Variants in SPPL2B observed in about 807,000 individuals in gnomAD.
SPPL2B encodes signal peptide peptidase-like 2B.
Under a neutral mutation model 59.7 loss-of-function variants are expected in SPPL2B, and 39 were observed. The ratio of observed to expected loss-of-function variants is 0.65; its 90% CI spans 0.51 to 0.85. The LOEUF (loss-of-function observed/expected upper bound fraction) is 0.85. Among genes scored for constraint, SPPL2B ranks in the 40% least tolerant of loss-of-function variants. The pLI is 0.00. For missense variants in SPPL2B, 865 were observed against 849.0 expected (o/e 1.02, Z -0.23); for synonymous variants, 419 against 370.8 (o/e 1.13, Z -1.49).
At chr19:2,348,089 T>C (rs369853991) in intron 13 of SPPL2B, among the ~76,000 whole-genome samples, 23 of 21,870 alleles carry the variant, frequency 1.1e-3, no homozygotes, top group Middle Eastern at 0.031. Flanking sequence ...CACACACTCA[T>C]GCGCTGTCAT....
chr19:2,333,667 C>T (rs1320344905), intron 1 of SPPL2B, among the ~76,000 whole-genome samples: 6 of 152,354 alleles, frequency 3.9e-5, no homozygotes, highest in East Asian at 1.9e-4. Flanking sequence ...GTCCTGGGCG[C>T]GGTGGCCACC....
rs996171027 is a variant in SPPL2B at position 2,354,173 on chromosome 19, T to C, written c.*964T>C. The C allele has an allele frequency of 2.0e-5, 3 of 152,210 alleles. No homozygotes were observed. The highest frequency in any genetic ancestry group is 4.4e-5 in the Non-Finnish European group (3 of 68,066). 9.4% of individuals were successfully genotyped at this position (152,210 alleles called of 1,614,324 possible). ...TCGGTTCTCCCTGTGGCAGCGGCAT[T>C]GGTGCCTGGGTTCTTAACCCTCTGG... On this transcript the variant is annotated 3_prime_UTR_variant, in exon 15 of 15. Transcript: ENST00000613503.
chr19:2,340,437 A>T, intron 7 of SPPL2B: 2 of 631,810 alleles, frequency 3.2e-6, no homozygotes, highest in Non-Finnish European at 5.7e-6. Flanking sequence ...CGCAGGCCGA[A>T]CCCTGGGTTC....
intron 1 of SPPL2B, 105 bp downstream of exon 1, chr19:2,328,880 C>A: frequency 1.9e-6 from 2 of 1,045,050 alleles, no homozygotes; most frequent in Non-Finnish European, 2.5e-6. Flanking sequence ...TCTTGGGGGT[C>A]CAGCCTCGGG....
intron 1 of SPPL2B, among the ~76,000 whole-genome samples, 153 bp from the exon 2 acceptor site, chr19:2,334,449 T>C (rs1387170823): frequency 6.6e-6 from 1 of 152,216 alleles, no homozygotes; most frequent in Admixed American, 6.5e-5. Context: ...CGTCCCTGTC[T>C]GTCCTGTCGA....
At chr19:2,338,532 T>C (rs1394209986) in intron 3 of SPPL2B, 2 of 488,398 alleles carry the variant, frequency 4.1e-6, no homozygotes, top group African/African-American at 4.0e-5. Flanking sequence ...CCTGGGGCCC[T>C]GTTGTCAGGT....
In SPPL2B at chr19:2,351,518, G is replaced by C. The variant is rs1305531078; in HGVS notation, c.1439G>C (p.Cys480Ser). Residue 480 changes from cysteine to serine, a missense_variant, in exon 14 of 15, where the codon TGC becomes TCC. Transcript: ENST00000613503. ...CCCGCTCTCCTCTACCTGGTGCCCT[G>C]CACGCTGGTGACGAGCTGCGCTGTG... The part of the protein sequence containing the change: ...GQPALLYLVP[C>S]TLVTSCAVAL... 2.0e-5 allele frequency: 32 copies of C among 1,611,010 alleles called. No individual in the cohort carries two copies. Among genetic ancestry groups the C allele is most frequent in the Non-Finnish European group, 2.5e-5 (29 of 1,179,618 alleles).
chr19:2,349,180 ACG>A (rs773468477), intron 13 of SPPL2B, among the ~76,000 whole-genome samples: 7 of 16,832 alleles, frequency 4.2e-4, no homozygotes, highest in East Asian at 3.2e-3. Context: ...ACACACACTC[ACG>A]CGCTGTCATT....
chr19:2,353,182 G>A lies in SPPL2B; in HGVS notation c.1752G>A (p.Pro584=), dbSNP rs370844594. 36 of 1,606,364 alleles carry A rather than the reference G, an allele frequency of 2.2e-5. No individual in the cohort carries two copies. In the East Asian group the frequency reaches 3.1e-4, roughly 14 times the overall value. The change falls in exon 15 of 15, where the codon CCG becomes CCA. Residue 584 remains proline (P), a synonymous_variant. Transcript: ENST00000613503. ...GCCGGGACCAGGCCCAGCCGTCCCCGGTAACCCAGCCTGGCGCCTCGGCCT... is the reference window on the plus strand; with the variant it reads ...GCCGGGACCAGGCCCAGCCGTCCCCAGTAACCCAGCCTGGCGCCTCGGCCT... ...SEGRDQAQPS[P]VTQPGASA is the part of the protein sequence containing the mutation.
chr19:2,344,112 C>T, intron 10 of SPPL2B, 73 bp downstream of exon 10: 1 of 640,340 alleles, frequency 1.6e-6, no homozygotes, highest in Non-Finnish European at 2.4e-6. Context: ...CGCCCCATCA[C>T]CCCCCCCATC....
intron 2 of SPPL2B, among the ~76,000 whole-genome samples, chr19:2,336,229 G>A (rs1340278285): frequency 6.6e-6 from 1 of 152,198 alleles, no homozygotes; most frequent in Non-Finnish European, 1.5e-5. Flanking sequence ...ATGTGCACAT[G>A]TGCCTGTGAG....
chr19:2,343,619 C>T (rs774366492), intron 9 of SPPL2B, among the ~76,000 whole-genome samples: 13 of 152,052 alleles, frequency 8.5e-5, no homozygotes, highest in African/African-American at 2.4e-4. Flanking sequence ...AAGCCCCAGG[C>T]GGCTGCACTC....
chr19:2,334,995 C>T (rs1440146959), intron 2 of SPPL2B, among the ~76,000 whole-genome samples: 1 of 152,112 alleles, frequency 6.6e-6, no homozygotes, highest in African/African-American at 2.4e-5. Context: ...ATGCCGGGGA[C>T]CCTATCCAGT....
intron 13 of SPPL2B, among the ~76,000 whole-genome samples, chr19:2,349,753 A>T (rs1370635760): frequency 3.3e-5 from 4 of 121,174 alleles, no homozygotes; most frequent in African/African-American, 1.1e-4. Flanking sequence ...CTCCACACAC[A>T]TGCGCTCTCA....
chr19:2,350,529 C>T (rs1447213314), intron 13 of SPPL2B, among the ~76,000 whole-genome samples: 3 of 152,248 alleles, frequency 2.0e-5, no homozygotes, highest in African/African-American at 7.2e-5. Flanking sequence ...CACACTCACG[C>T]TCCCCCGTGT....
intron 5 of SPPL2B, 146 bp from the exon 6 acceptor site, chr19:2,339,678 C>G (rs531968218): frequency 1.1e-6 from 1 of 883,348 alleles, no homozygotes; most frequent in East Asian, 2.6e-5. Flanking sequence ...TGGGGACGTT[C>G]GGGGCGGTTC....
chr19:2,334,484 T>C (rs1968447425), intron 1 of SPPL2B, 118 bp from the exon 2 acceptor site: 2 of 1,380,020 alleles, frequency 1.4e-6, no homozygotes, highest in Admixed American at 4.9e-5. Context: ...CCAGACCACC[T>C]GGTGAACATG....
rs185450984 is a variant in SPPL2B, at chr19:2,330,852, A to C, written c.66+2077A>C. 948 of 152,322 alleles carry C rather than the reference A, an allele frequency of 6.2e-3. 6 individuals carry two copies. Among genetic ancestry groups the C allele is most frequent in the Non-Finnish European group, 0.011 (724 of 68,116 alleles). 9.4% of individuals were successfully genotyped at this position (152,322 alleles called of 1,614,324 possible). A position where few individuals can be genotyped will look rare whatever the true frequency, so the allele number is the denominator to read the frequency against. On this transcript the variant is annotated intron_variant, in intron 1 of 14. Coordinates refer to ENST00000613503, the MANE Select transcript of SPPL2B (RefSeq NM_152988.3). ...TGTGAGCTTTATCCGGAGGGTGGGGAGTCAAAGGATGTGTCAGAGGGACGT... is the reference window on the plus strand; with the variant it reads ...TGTGAGCTTTATCCGGAGGGTGGGGCGTCAAAGGATGTGTCAGAGGGACGT...
At position 2,352,420 on chromosome 19, in the gene SPPL2B, T is replaced by C. The variant is rs118138509; in HGVS notation, c.1516-526T>C. ...GCTTCTCAGCGGTGCTGGCCGCGCA[T>C]GGGGTCCTACGTCATGTTTTTGTGG... On this transcript the variant is annotated intron_variant, in intron 14 of 14. Coordinates refer to ENST00000613503, the MANE Select transcript of SPPL2B (RefSeq NM_152988.3). 4.8e-3 allele frequency among the ~76,000 whole-genome samples: 725 copies of C among 152,278 alleles called. 1 individual carries two copies. The highest frequency in any genetic ancestry group is 8.8e-3 in the Non-Finnish European group (600 of 67,994).
Sources: gnomAD v4.1 joint callset for allele counts (sites outside exome capture counted in the v4.1 genomes callset) on GRCh38, gnomAD v4.1.1 for gene constraint, MANE v1.5 for transcripts, NCBI Gene and HGNC (gene_info 2026-07-23, HGNC 2026-07-21) for gene names.